CDH4: variants seen among roughly 807,000 people sequenced by gnomAD.
The protein encoded by CDH4 is cadherin 4, also known as cadherin-4.
Under a neutral mutation model 86.0 loss-of-function variants are expected in CDH4, and 33 were observed. The observed-to-expected ratio is 0.38, with a 90% confidence interval of 0.29 to 0.51. CDH4 has a LOEUF of 0.51. Among genes scored for constraint, CDH4 ranks in the 20% least tolerant of loss-of-function variants. The pLI is 0.86. For synonymous variants in CDH4, 555 were observed against 549.4 expected, an observed-to-expected ratio of 1.01 and a Z score of -0.14; for missense variants, 1,114 against 1,307.4, an observed-to-expected ratio of 0.85 and a Z score of 2.28.
At chr20:61,454,658 G>A (rs2085398187) in intron 2 of CDH4, among the ~76,000 whole-genome samples, 2 of 152,170 alleles carry the variant, frequency 1.3e-5, no homozygotes, top group African/African-American at 2.4e-5. Flanking sequence ...TGTTTGCCAG[G>A]ATGGTCTCGA....
chr20:61,461,624 A>G (rs2085443216), intron 2 of CDH4, among the ~76,000 whole-genome samples: 1 of 152,138 alleles, frequency 6.6e-6, no homozygotes, highest in African/African-American at 2.4e-5. Context: ...GTGGCCCGCA[A>G]CGGGGGAGTG....
chr20:61,834,564 C>T (rs572594925), intron 4 of CDH4, among the ~76,000 whole-genome samples: 9 of 152,264 alleles, frequency 5.9e-5, no homozygotes, highest in African/African-American at 1.7e-4. Context: ...CAGGTGGGGA[C>T]GCGTGCATTA....
chr20:61,929,518 T>C (rs990227252), intron 12 of CDH4, 91 bp from the exon 13 acceptor site: 3 of 904,888 alleles, frequency 3.3e-6, no homozygotes, highest in Admixed American at 3.9e-5. Flanking sequence ...CAGATTTCCA[T>C]GCCATCGGAC....
intron 6 of CDH4, among the ~76,000 whole-genome samples, chr20:61,857,276 C>T (rs767968171): frequency 1.3e-5 from 2 of 152,174 alleles, no homozygotes; most frequent in East Asian, 1.9e-4. Context: ...AGGAAGTGGG[C>T]GTTCCCACCG....
intron 2 of CDH4, among the ~76,000 whole-genome samples, chr20:61,590,698 G>A (rs2086512050): frequency 6.6e-6 from 1 of 152,012 alleles, no homozygotes; most frequent in South Asian, 2.1e-4. Flanking sequence ...GCCCACGTTT[G>A]GCTCAGTGGG....
chr20:61,761,722 A>G (rs2088635217), intron 3 of CDH4, among the ~76,000 whole-genome samples: 1 of 152,168 alleles, frequency 6.6e-6, no homozygotes, highest in Admixed American at 6.5e-5. Flanking sequence ...GGATTTTGTT[A>G]GTGAATAACG....
intron 2 of CDH4, among the ~76,000 whole-genome samples, chr20:61,688,477 C>T (rs1278774494): frequency 1.3e-5 from 2 of 152,236 alleles, no homozygotes; most frequent in Non-Finnish European, 2.9e-5. Context: ...AGGGTCTTCA[C>T]GTGCCCTGCC....
chr20:61,612,896 G>A (rs1049843411), intron 2 of CDH4, among the ~76,000 whole-genome samples: 7 of 152,036 alleles, frequency 4.6e-5, no homozygotes, highest in African/African-American at 1.7e-4. Flanking sequence ...CCGTTTCTCT[G>A]CCTAATGTCT....
At position 61,937,040 on chromosome 20, in the gene CDH4, T is replaced by C. The variant is rs76542466; in HGVS notation, c.*97T>C. The stretch of plus-strand genomic sequence containing the variant: ...GCCGGTCTTCCCGACTCCCTGCGGC[T>C]GTGTCCTTAGTGCTGTTAGGAGGCC... On this transcript the variant is annotated 3_prime_UTR_variant, in exon 16 of 16. Transcript: ENST00000614565. 3.6e-3 allele frequency: 3,950 copies of C among 1,102,992 alleles called. 109 individuals carry two copies. The African/African-American group carries it at 0.054, about 15-fold the overall frequency. 68.3% of individuals were successfully genotyped at this position (1,102,992 alleles called of 1,614,324 possible).
At position 61,393,545 on chromosome 20, in the gene CDH4, A is replaced by T. The variant is rs1340376144; in HGVS notation, c.169+138608A>T. On this transcript the variant is annotated intron_variant, in intron 2 of 15. Coordinates refer to ENST00000614565, the MANE Select transcript of CDH4 (RefSeq NM_001794.5). This position sits in a 1 kb window ranked among gnomAD's most constrained non-coding sequence, Gnocchi z 4.3. ...CAGAGTGGGGTCTTTATGGAGCAGG[A>T]TCCTCACGTAGCCCACATTCGCCAC... 2.0e-5 allele frequency among the ~76,000 whole-genome samples: 3 copies of T among 152,164 alleles called. No homozygotes were observed. The South Asian group carries it at 6.2e-4, about 32-fold the overall frequency.
chr20:61,689,835 GAGCT>G (rs1568757576), intron 2 of CDH4, among the ~76,000 whole-genome samples: 142 of 139,250 alleles, frequency 1.0e-3, no homozygotes, highest in African/African-American at 3.2e-3. Context: ...ATGTGGAATT[GAGCT>G]GGGACGGTGG....
chr20:61,744,068 AG>A (rs937779015), intron 3 of CDH4, among the ~76,000 whole-genome samples: 11 of 152,270 alleles, frequency 7.2e-5, no homozygotes, highest in Admixed American at 5.9e-4. Flanking sequence ...TTTTTGAACA[AG>A]GGGCCCCAAA....
chr20:61,372,090 C>G (rs1230065906), intron 2 of CDH4, among the ~76,000 whole-genome samples: 2 of 152,234 alleles, frequency 1.3e-5, no homozygotes, highest in Non-Finnish European at 2.9e-5. Context: ...ACCCAGGTCT[C>G]TCCCTCCTGG....
At position 61,392,336 on chromosome 20, in the gene CDH4, C is replaced by T. The variant is rs2084991265; in HGVS notation, c.169+137399C>T. On this transcript the variant is annotated intron_variant, in intron 2 of 15. Transcript: ENST00000614565. The surrounding 1 kb of genome is among the most constrained non-coding windows in gnomAD (Gnocchi z 5.7). ...AGCCTCCCTGGAAGCAGAGGCTCCC[C>T]TGCGATTCCGCTCGGAGTCCCACGC... 1.3e-5 allele frequency among the ~76,000 whole-genome samples: 2 copies of T among 152,154 alleles called. No homozygotes were observed.
chr20:61,573,626 T>A (rs1463293720), intron 2 of CDH4, among the ~76,000 whole-genome samples: 1 of 152,086 alleles, frequency 6.6e-6, no homozygotes, highest in Non-Finnish European at 1.5e-5. Context: ...CCTCCTGGCT[T>A]GCAGCACAGT....
At chr20:61,446,435 A>G (rs1600687584) in intron 2 of CDH4, among the ~76,000 whole-genome samples, 5 of 152,378 alleles carry the variant, frequency 3.3e-5, no homozygotes, top group Admixed American at 2.6e-4. Context: ...CTAGCGTCAT[A>G]CTTTTAAACA....
At chr20:61,826,814 T>A (rs1276780259) in intron 4 of CDH4, among the ~76,000 whole-genome samples, 1 of 152,120 alleles carries the variant, frequency 6.6e-6, no homozygotes. Flanking sequence ...CTCCTACCTG[T>A]CTCCTCACCT....
chr20:61,485,361 A>G (rs1175484838), intron 2 of CDH4, among the ~76,000 whole-genome samples: 2 of 152,090 alleles, frequency 1.3e-5, no homozygotes, highest in African/African-American at 4.8e-5. Context: ...AACATTCCCT[A>G]TTGTGAAAGC....
intron 2 of CDH4, among the ~76,000 whole-genome samples, chr20:61,358,911 T>A (rs2084768846): frequency 6.6e-6 from 1 of 152,110 alleles, no homozygotes; most frequent in Non-Finnish European, 1.5e-5. Context: ...ACGGGGGGGT[T>A]TACTCCGTGA....
Sources: gnomAD v4.1 joint callset for allele counts (sites outside exome capture counted in the v4.1 genomes callset) on GRCh38, gnomAD v4.1.1 for gene constraint, Gnocchi (gnomAD v3.1) non-coding constraint, MANE v1.5 for transcripts, NCBI Gene and HGNC (gene_info 2026-07-23, HGNC 2026-07-21) for gene names.